PON3: variants seen among roughly 807,000 people sequenced by gnomAD.
PON3 encodes serum paraoxonase/lactonase 3.
In PON3, 37 loss-of-function variants were observed where a neutral mutation model predicts 36.3. The observed-to-expected ratio is 1.02, with a 90% confidence interval of 0.78 to 1.34. The LOEUF is 1.34. Ranked by LOEUF, PON3 falls within the 40% of genes most tolerant of loss-of-function variation. PON3 has a pLI of 0.00. For missense variants in PON3, 415 were observed against 426.5 expected, an observed-to-expected ratio of 0.97 and a Z score of 0.24; for synonymous variants, 155 against 154.8, an observed-to-expected ratio of 1.00 and a Z score of -0.01.
At chr7:95,385,245 C>G (rs1037811412) in intron 3 of PON3, among the ~76,000 whole-genome samples, 1 of 151,998 alleles carries the variant, frequency 6.6e-6, no homozygotes, top group African/African-American at 2.4e-5. Flanking sequence ...GAAGATATAC[C>G]TAATGTAAAT....
intron 3 of PON3, among the ~76,000 whole-genome samples, chr7:95,382,638 C>G (rs971536520): frequency 1.4e-4 from 21 of 152,144 alleles, no homozygotes; most frequent in Non-Finnish European, 2.2e-4. Flanking sequence ...ATACACCCTC[C>G]CAAGACTAAA....
intron 3 of PON3, among the ~76,000 whole-genome samples, chr7:95,383,162 C>T (rs1809101420): frequency 6.6e-6 from 1 of 152,090 alleles, no homozygotes; most frequent in Non-Finnish European, 1.5e-5. Context: ...GCCCTTCATG[C>T]TAAAAACTCT....
At chr7:95,393,723 T>A (rs2116427565) in intron 2 of PON3, among the ~76,000 whole-genome samples, 1 of 152,052 alleles carries the variant, frequency 6.6e-6, no homozygotes, top group African/African-American at 2.4e-5. Context: ...GGTGGGAGGA[T>A]GAGGGAGAAA....
intron 6 of PON3, among the ~76,000 whole-genome samples, chr7:95,363,099 G>A (rs750271543): frequency 4.7e-4 from 71 of 150,584 alleles, no homozygotes; most frequent in Admixed American, 2.5e-3. Context: ...TTATTACTTC[G>A]AAGTCACAAC....
At chr7:95,383,549 TAC>T (rs1809113945) in intron 3 of PON3, among the ~76,000 whole-genome samples, 1 of 152,156 alleles carries the variant, frequency 6.6e-6, no homozygotes, top group Admixed American at 6.5e-5. Context: ...AGCATTCTTA[TAC>T]ACCAATAACA....
chr7:95,362,960 C>G (rs1420469141), intron 6 of PON3, 119 bp from the exon 7 acceptor site: 1 of 729,170 alleles, frequency 1.4e-6, no homozygotes, highest in Non-Finnish European at 2.5e-6. Context: ...CAATCCTTTT[C>G]TAAACCACAG....
At chr7:95,363,613 T>C (rs759976693) in intron 6 of PON3, 7 of 528,158 alleles carry the variant, frequency 1.3e-5, no homozygotes, top group East Asian at 3.4e-5. Flanking sequence ...TCAAGAGTTA[T>C]GTAAAAATTT....
chr7:95,360,264 G>C (rs149029804), intron 8 of PON3, 133 bp from the exon 9 acceptor site: 188 of 904,812 alleles, frequency 2.1e-4, no homozygotes, highest in Admixed American at 1.3e-3. Flanking sequence ...TCAATAAATT[G>C]TTCTTCTTCT....
At chr7:95,385,040 C>T (rs1009189914) in intron 3 of PON3, among the ~76,000 whole-genome samples, 14 of 152,172 alleles carry the variant, frequency 9.2e-5, no homozygotes, top group African/African-American at 3.1e-4. Flanking sequence ...ATGATGAGTT[C>T]ATGTCCTTTG....
At chr7:95,362,980 A>T (rs1485961452) in intron 6 of PON3, 139 bp from the exon 7 acceptor site, 2 of 683,218 alleles carry the variant, frequency 2.9e-6, no homozygotes, top group Admixed American at 4.1e-5. Flanking sequence ...GTAAAAGAAG[A>T]TAATGGGGTA....
At chr7:95,378,297 C>T (rs1285873789) in intron 3 of PON3, among the ~76,000 whole-genome samples, 3 of 152,170 alleles carry the variant, frequency 2.0e-5, no homozygotes, top group Non-Finnish European at 4.4e-5. Context: ...CAGAAAGTGA[C>T]AGGAAGAATG....
At position 95,396,315 on chromosome 7, in the gene PON3, G is replaced by T. The variant is rs930141482; in HGVS notation, c.36C>A (p.Val12=). 6.2e-7 allele frequency: 1 copy of T among 1,613,958 alleles called. No homozygotes were observed. The highest frequency in any genetic ancestry group is 1.3e-5 in the African/African-American group (1 of 75,010). ...GKLVALVLLG[V]GLSLVGEMFL... is the part of the protein sequence containing the mutation. ...ACATCTCCCCGACTAAGGACAGGCC[G>T]ACCCCCAGCAGGACCAGCGCCACGA... is the stretch of plus-strand genomic sequence containing the variant. The change falls in exon 1 of 9, where the codon GTC becomes GTA. Residue 12 remains valine (V), a synonymous_variant. Coordinates refer to ENST00000265627, the MANE Select transcript of PON3 (RefSeq NM_000940.3).
At chr7:95,396,011 G>T (rs1046551106) in intron 1 of PON3, 2 of 509,460 alleles carry the variant, frequency 3.9e-6, no homozygotes, top group African/African-American at 3.9e-5. Context: ...AGTAAAAGGG[G>T]GTCATGACCT....
chr7:95,378,255 G>A (rs1034233158), intron 3 of PON3, among the ~76,000 whole-genome samples: 4 of 152,200 alleles, frequency 2.6e-5, no homozygotes, highest in African/African-American at 9.6e-5. Flanking sequence ...GGGACTCTGT[G>A]AAAAGACCAA....
chr7:95,386,232 T>TA (rs1323321487), intron 3 of PON3, among the ~76,000 whole-genome samples: 4 of 151,900 alleles, frequency 2.6e-5, no homozygotes, highest in African/African-American at 9.7e-5. Flanking sequence ...GATAGACCAC[T>TA]AGCAAGATTA....
chr7:95,382,775 C>T (rs1037543806), intron 3 of PON3, among the ~76,000 whole-genome samples: 1 of 152,152 alleles, frequency 6.6e-6, no homozygotes, highest in Admixed American at 6.5e-5. Context: ...ACCAGAGGTA[C>T]AAGGAGGAGC....
At chr7:95,360,842 G>GAGTTTGTTC in intron 8 of PON3, among the ~76,000 whole-genome samples, 1 of 152,184 alleles carries the variant, frequency 6.6e-6, no homozygotes, top group South Asian at 2.1e-4. Context: ...TATTAGAACA[G>GAGTTTGTTC]AGTTTGTTCT....
intron 6 of PON3, chr7:95,363,545 T>C: frequency 2.7e-6 from 1 of 370,432 alleles, no homozygotes; most frequent in South Asian, 2.6e-5. Flanking sequence ...TGTACTTTCA[T>C]AAGGGGCAGG....
At chr7:95,394,428 G>C (rs1332949187) in intron 2 of PON3, among the ~76,000 whole-genome samples, 1 of 152,160 alleles carries the variant, frequency 6.6e-6, no homozygotes, top group Non-Finnish European at 1.5e-5. Context: ...AGGTAATGTG[G>C]AGAGATGTCA....
Sources: allele counts gnomAD v4.1 joint callset (sites outside exome capture counted in the v4.1 genomes callset), GRCh38; gene constraint gnomAD v4.1.1; transcripts MANE v1.5; gene names NCBI Gene and HGNC (gene_info 2026-07-23, HGNC 2026-07-21).